Variants in ACSL1 observed in about 807,000 individuals in gnomAD.
ACSL1 encodes acyl-CoA synthetase long chain family member 1.
Under a neutral mutation model 98.4 loss-of-function variants are expected in ACSL1, and 41 were observed. That is an observed-to-expected ratio of 0.42 (90% confidence interval 0.32 to 0.54). The LOEUF is 0.54. ACSL1 is among the 20% of genes least tolerant of loss of function. The pLI is 0.13. For missense variants in ACSL1, 734 were observed against 883.1 expected (o/e 0.83, Z 2.14); for synonymous variants, 316 against 322.7 (o/e 0.98, Z 0.22).
Position 184,757,353 on chromosome 4 carries a change from C to T in ACSL1, c.1957-88G>A. ...GTAAGCCTTGGAGGGGATCAACACT[C>T]TCCAGCCATCCAATCCATCCTCTCA... On this transcript the variant is annotated intron_variant, in intron 20 of 20. Coordinates refer to ENST00000281455, the MANE Select transcript of ACSL1 (RefSeq NM_001995.5). This position sits in a 1 kb window ranked among gnomAD's most constrained non-coding sequence, Gnocchi z 4.5. The T allele has an allele frequency of 6.8e-7, 1 of 1,459,996 alleles. No homozygotes were observed. The highest frequency in any genetic ancestry group is 9.2e-7 in the Non-Finnish European group (1 of 1,088,060). The allele number at this position is 1,459,996 out of a possible 1,614,324, so 90.4% of individuals were successfully genotyped here. A position where few individuals can be genotyped will look rare whatever the true frequency, so the allele number is the denominator to read the frequency against.
At chr4:184,784,363 AG>A (rs1766856746) in intron 3 of ACSL1, among the ~76,000 whole-genome samples, 1 of 152,204 alleles carries the variant, frequency 6.6e-6, no homozygotes, top group South Asian at 2.1e-4. Flanking sequence ...TTTTCAGAAG[AG>A]GTATTCATCA....
At chr4:184,806,901 A>C (rs951817714) in intron 1 of ACSL1, among the ~76,000 whole-genome samples, 1 of 152,254 alleles carries the variant, frequency 6.6e-6, no homozygotes, top group African/African-American at 2.4e-5. Flanking sequence ...TTAATGCTAT[A>C]CATAGGAAAA....
chr4:184,792,047 T>C (rs1352584362), intron 2 of ACSL1, among the ~76,000 whole-genome samples: 2 of 152,276 alleles, frequency 1.3e-5, no homozygotes, highest in Non-Finnish European at 2.9e-5. Flanking sequence ...ATTTTTTAGT[T>C]AGGTTTAAGT....
chr4:184,825,977 C>G (rs1219578864), upstream of ACSL1: 1 of 148,652 alleles, frequency 6.7e-6, no homozygotes, highest in Non-Finnish European at 1.5e-5. This position sits in a 1 kb window ranked among gnomAD's most constrained non-coding sequence, Gnocchi z 4.7. Flanking sequence ...CTGCCCCGCG[C>G]CGGCTCTGGA....
intron 5 of ACSL1, among the ~76,000 whole-genome samples, chr4:184,779,164 C>CA (rs935506629): frequency 3.9e-5 from 6 of 152,192 alleles, no homozygotes; most frequent in African/African-American, 1.2e-4. Context: ...ACCCAAATCT[C>CA]AACTTGAATT....
At position 184,757,170 on chromosome 4, in the gene ACSL1, A is replaced by G. The variant is rs748693599; in HGVS notation, c.2052T>C (p.Tyr684=). Residue 684 remains tyrosine, a synonymous_variant, in exon 21 of 21, where the codon TAT becomes TAC. Coordinates refer to ENST00000281455, the MANE Select transcript of ACSL1 (RefSeq NM_001995.5). This position sits in a 1 kb window ranked among gnomAD's most constrained non-coding sequence, Gnocchi z 4.5. ...MKAKRPELRN[Y]FRSQIDDLYS... The stretch of plus-strand genomic sequence containing the variant: ...AGAGGTCATCTATCTGCGACCTGAA[A>G]TAGTTCCGCAGCTCTGGCCTTTTCG... 2 of 1,609,534 alleles carry G rather than the reference A, an allele frequency of 1.2e-6. No homozygotes were observed. The highest frequency in any genetic ancestry group is 1.7e-6 in the Non-Finnish European group (2 of 1,176,156).
chr4:184,767,819 C>T lies in ACSL1; in HGVS notation c.1128+497G>A, dbSNP rs954198185. On this transcript the variant is annotated intron_variant, in intron 12 of 20. Transcript: ENST00000281455. Reference sequence around the variant, plus strand: ...GTGCGGTCCACGCAATGATACCCACCGCAGAGGGGCTGGTGTTCTCTTGGG... The same window carrying T: ...GTGCGGTCCACGCAATGATACCCACTGCAGAGGGGCTGGTGTTCTCTTGGG... 2.0e-5 allele frequency among the ~76,000 whole-genome samples: 3 copies of T among 152,230 alleles called. No homozygotes were observed. In the East Asian group the frequency reaches 5.8e-4, roughly 29 times the overall value.
intron 4 of ACSL1, 105 bp downstream of exon 4, chr4:184,783,822 T>A: frequency 9.4e-7 from 1 of 1,059,090 alleles, no homozygotes; most frequent in Non-Finnish European, 1.4e-6. Flanking sequence ...TCTGAGCTGG[T>A]CCAGCACATA....
intron 11 of ACSL1, among the ~76,000 whole-genome samples, chr4:184,769,537 T>A (rs952241347): frequency 6.6e-6 from 1 of 152,204 alleles, no homozygotes; most frequent in Non-Finnish European, 1.5e-5. Context: ...ACTCGTTAGG[T>A]ACAGCAACTC....
intron 2 of ACSL1, among the ~76,000 whole-genome samples, chr4:184,793,168 T>C (rs1455433142): frequency 6.7e-6 from 1 of 150,266 alleles, no homozygotes; most frequent in Non-Finnish European, 1.5e-5. Context: ...TAGACCTCTT[T>C]AATGTGGTTA....
chr4:184,796,954 C>T (rs1321574241), intron 2 of ACSL1, among the ~76,000 whole-genome samples: 1 of 152,220 alleles, frequency 6.6e-6, no homozygotes, highest in Non-Finnish European at 1.5e-5. Flanking sequence ...ATCTATTGCC[C>T]TGCCTTGCAA....
intron 1 of ACSL1, among the ~76,000 whole-genome samples, chr4:184,820,887 G>T (rs2150503037): frequency 6.6e-6 from 1 of 152,292 alleles, no homozygotes; most frequent in African/African-American, 2.4e-5. Context: ...GGCCTAACCT[G>T]GAACTTTCTA....
At chr4:184,813,598 A>T (rs1352657305) in intron 1 of ACSL1, 7 of 269,982 alleles carry the variant, frequency 2.6e-5, no homozygotes, top group Non-Finnish European at 3.9e-5. Context: ...AGAACATGAC[A>T]GCATGTTCTA....
chr4:184,793,866 C>T (rs1376048060), intron 2 of ACSL1, among the ~76,000 whole-genome samples: 1 of 152,132 alleles, frequency 6.6e-6, no homozygotes, highest in East Asian at 1.9e-4. Flanking sequence ...ACAGCTGTTC[C>T]CCTTCAGGAT....
intron 18 of ACSL1, chr4:184,758,372 T>C (rs888401868): frequency 6.2e-6 from 1 of 161,086 alleles, no homozygotes; most frequent in Non-Finnish European, 1.4e-5. Context: ...CTGGGCAATA[T>C]AGTGAGACTC....
intron 1 of ACSL1, among the ~76,000 whole-genome samples, chr4:184,820,191 G>A (rs1194978943): frequency 6.6e-6 from 1 of 152,092 alleles, no homozygotes; most frequent in African/African-American, 2.4e-5. Flanking sequence ...CTAATTTTTT[G>A]TATTTTTAGT....
At position 184,811,334 on chromosome 4, in the gene ACSL1, G is replaced by C. The variant is rs146899852; in HGVS notation, c.-32-7788C>G. Among the ~76,000 whole-genome samples, 345 of 151,822 alleles carry C rather than the reference G, an allele frequency of 2.3e-3. 1 individual carries two copies. Among genetic ancestry groups the C allele is most frequent in the Admixed American group, 4.4e-3 (67 of 15,260 alleles). On this transcript the variant is annotated intron_variant, in intron 1 of 20. Coordinates refer to ENST00000281455, the MANE Select transcript of ACSL1 (RefSeq NM_001995.5). ...TCACCGTGTTGGCCAGGATGGTCTC[G>C]ATCTCCCGACTTTGTGATCTGCCCG...
intron 18 of ACSL1, chr4:184,758,981 T>C (rs2150256740): frequency 1.8e-5 from 1 of 55,508 alleles, no homozygotes; most frequent in African/African-American, 7.4e-5. Flanking sequence ...TTCCCACCTA[T>C]GAGTGACAAC....
At chr4:184,820,297 G>C (rs1561252018) in intron 1 of ACSL1, among the ~76,000 whole-genome samples, 2 of 152,184 alleles carry the variant, frequency 1.3e-5, no homozygotes, top group African/African-American at 4.8e-5. Flanking sequence ...GATTACAGGC[G>C]TGAGCCACTG....
Sources: allele counts gnomAD v4.1 joint callset (sites outside exome capture counted in the v4.1 genomes callset), GRCh38; gene constraint gnomAD v4.1.1; non-coding constraint Gnocchi (gnomAD v3.1); transcripts MANE v1.5; gene names NCBI Gene and HGNC (gene_info 2026-07-23, HGNC 2026-07-21).